CHD9: variants seen among roughly 807,000 people sequenced by gnomAD.
CHD9 encodes the protein chromodomain helicase DNA binding protein 9.
CHD9 carries 77 observed loss-of-function variants against 316.1 expected under a neutral mutation model. The ratio of observed to expected loss-of-function variants is 0.24; its 90% CI spans 0.20 to 0.29. The LOEUF (loss-of-function observed/expected upper bound fraction) is 0.29. Ranked by LOEUF, CHD9 falls within the 10% of genes least tolerant of loss-of-function variation. The probability of loss-of-function intolerance (pLI) is 1.00; values close to 1 mark genes in which losing one functional copy is unlikely to be tolerated. For synonymous variants in CHD9, 1,129 were observed against 1,158.3 expected (o/e 0.97, Z 0.51); for missense variants, 2,763 against 3,438.1 (o/e 0.80, Z 4.91).
intron 27 of CHD9, among the ~76,000 whole-genome samples, chr16:53,288,518 A>G (rs1395071362): frequency 6.6e-6 from 1 of 152,198 alleles, no homozygotes; most frequent in African/African-American, 2.4e-5. Flanking sequence ...AAAGGATTTT[A>G]AAAGAGATGA....
intron 1 of CHD9, among the ~76,000 whole-genome samples, chr16:53,064,503 C>G (rs1202806222): frequency 6.6e-6 from 1 of 152,112 alleles, no homozygotes; most frequent in Non-Finnish European, 1.5e-5. Context: ...GGCCAGCTGT[C>G]AATCAGGGAA....
chr16:53,242,204 A>G (rs1313762621), intron 12 of CHD9, among the ~76,000 whole-genome samples: 1 of 151,880 alleles, frequency 6.6e-6, no homozygotes, highest in African/African-American at 2.4e-5. Context: ...GTCACCTCCA[A>G]CCTTATACTT....
chr16:53,294,922 C>G (rs888471350), intron 29 of CHD9, among the ~76,000 whole-genome samples: 2 of 152,122 alleles, frequency 1.3e-5, no homozygotes, highest in African/African-American at 4.8e-5. Flanking sequence ...GTTCTTAAGC[C>G]TAAGTTTGAA....
At chr16:53,069,484 T>C (rs1370333135) in intron 1 of CHD9, among the ~76,000 whole-genome samples, 1 of 152,226 alleles carries the variant, frequency 6.6e-6, no homozygotes, top group East Asian at 1.9e-4. Flanking sequence ...CTTTGTGAGT[T>C]TGACTACTCT....
At chr16:53,312,171 A>T (rs748570894) in intron 34 of CHD9, among the ~76,000 whole-genome samples, 2 of 152,216 alleles carry the variant, frequency 1.3e-5, no homozygotes, top group Non-Finnish European at 2.9e-5. Flanking sequence ...TTTTTCATAG[A>T]TAATTATATT....
At chr16:53,265,543 A>G (rs542480772) in intron 20 of CHD9, among the ~76,000 whole-genome samples, 15 of 152,330 alleles carry the variant, frequency 9.8e-5, no homozygotes, top group African/African-American at 2.6e-4. Context: ...GAAATATACA[A>G]ATAGTGCTAA....
At chr16:53,082,232 ATT>A (rs1279421798) in intron 1 of CHD9, among the ~76,000 whole-genome samples, 7 of 150,996 alleles carry the variant, frequency 4.6e-5, no homozygotes, top group Non-Finnish European at 1.0e-4. Flanking sequence ...TTATTTATTT[ATT>A]TATTTATTTA....
At chr16:53,228,136 A>C (rs1362517610) in intron 7 of CHD9, among the ~76,000 whole-genome samples, 1 of 152,160 alleles carries the variant, frequency 6.6e-6, no homozygotes, top group African/African-American at 2.4e-5. Context: ...TTCATTATTA[A>C]CATCAAAATG....
At chr16:53,274,452 A>T (rs1019906373) in intron 24 of CHD9, 150 bp downstream of exon 24, 2 of 433,826 alleles carry the variant, frequency 4.6e-6, no homozygotes, top group Non-Finnish European at 8.1e-6. Flanking sequence ...TGATATATTT[A>T]TTTTATTTAT....
intron 36 of CHD9, among the ~76,000 whole-genome samples, chr16:53,317,553 C>G (rs138236038): frequency 0.032 from 4,923 of 152,104 alleles, 98 homozygotes; most frequent in Middle Eastern, 0.071. Flanking sequence ...AGTGCAGTGG[C>G]ACGATCATGG....
intron 24 of CHD9, among the ~76,000 whole-genome samples, chr16:53,277,237 AT>A (rs2153023274): frequency 6.6e-6 from 1 of 152,272 alleles, no homozygotes; most frequent in Non-Finnish European, 1.5e-5. Flanking sequence ...GAAAGAGAGA[AT>A]CCTCCCTAAA....
chr16:53,322,373 C>T (rs1487060896), intron 38 of CHD9, among the ~76,000 whole-genome samples: 1 of 150,862 alleles, frequency 6.6e-6, no homozygotes, highest in Non-Finnish European at 1.5e-5. Flanking sequence ...CTTGGGAGGC[C>T]GAGGCGGGTG....
chr16:53,220,960 T>G lies in CHD9; in HGVS notation c.1785-1684T>G, dbSNP rs1270238647. 2.0e-5 allele frequency among the ~76,000 whole-genome samples: 3 copies of G among 152,346 alleles called. No homozygotes were observed. In the East Asian group the frequency reaches 5.8e-4, roughly 29 times the overall value. On this transcript the variant is annotated intron_variant, in intron 3 of 38. Coordinates refer to ENST00000447540, the MANE Select transcript of CHD9 (RefSeq NM_001308319.2). ...TTTTCTGTAAAGCCCCCTTTACTCTTCAGTAAGCGTGAGCACTTCTTCCTT... is the reference window on the plus strand; with the variant it reads ...TTTTCTGTAAAGCCCCCTTTACTCTGCAGTAAGCGTGAGCACTTCTTCCTT...
intron 1 of CHD9, among the ~76,000 whole-genome samples, chr16:53,147,845 T>C (rs761897907): frequency 8.5e-5 from 13 of 152,168 alleles, no homozygotes; most frequent in East Asian, 1.9e-4. Flanking sequence ...TTTTGGTGAA[T>C]AGTATGTACC....
chr16:53,064,157 C>T (rs1410809660), intron 1 of CHD9, among the ~76,000 whole-genome samples: 1 of 152,070 alleles, frequency 6.6e-6, no homozygotes, highest in Non-Finnish European at 1.5e-5. Flanking sequence ...TTCTTTAGAG[C>T]CTCAGAAGAT....
At chr16:53,248,768 C>T (rs2049891113) in intron 16 of CHD9, among the ~76,000 whole-genome samples, 1 of 151,962 alleles carries the variant, frequency 6.6e-6, no homozygotes. Flanking sequence ...GCAGTTCTTC[C>T]ACCTCAGCCT....
chr16:53,088,275 CTTTGTT>C (rs1462754731), intron 1 of CHD9, among the ~76,000 whole-genome samples: 4 of 127,050 alleles, frequency 3.1e-5, no homozygotes, highest in Non-Finnish European at 6.4e-5. Flanking sequence ...ATGACATGCA[CTTTGTT>C]TTTTTTTTTT....
chr16:53,099,827 G>T (rs2036692350), intron 1 of CHD9, among the ~76,000 whole-genome samples: 1 of 152,262 alleles, frequency 6.6e-6, no homozygotes, highest in Admixed American at 6.5e-5. Flanking sequence ...CTGGCGTGGT[G>T]CCCTGGCAGC....
intron 1 of CHD9, among the ~76,000 whole-genome samples, chr16:53,119,046 C>T (rs1049517177): frequency 6.6e-6 from 1 of 152,054 alleles, no homozygotes; most frequent in Non-Finnish European, 1.5e-5. Flanking sequence ...CCTGCCTTAG[C>T]CTCCCAAAGT....
Sources: allele counts gnomAD v4.1 joint callset (sites outside exome capture counted in the v4.1 genomes callset), GRCh38; gene constraint gnomAD v4.1.1; transcripts MANE v1.5; gene names NCBI Gene and HGNC (gene_info 2026-07-23, HGNC 2026-07-21).